Variants in ALK observed in about 807,000 individuals in gnomAD.
The protein encoded by ALK is ALK receptor tyrosine kinase, also known as ALK tyrosine kinase receptor.
A neutral mutation model predicts 163.1 loss-of-function variants in ALK; 74 were observed. That is an observed-to-expected ratio of 0.45 (90% CI 0.38 to 0.55). The LOEUF is 0.55. Among genes scored for constraint, ALK ranks in the 20% least tolerant of loss-of-function variants. The probability of loss-of-function intolerance (pLI) is 0.00; values close to 1 mark genes in which losing one functional copy is unlikely to be tolerated. For missense variants in ALK, 2,063 were observed against 2,105.3 expected (o/e 0.98, Z 0.39); for synonymous variants, 960 against 843.2 (o/e 1.14, Z -2.40).
At chr2:29,716,531 T>C (rs1573578902) in intron 2 of ALK, among the ~76,000 whole-genome samples, 1 of 152,108 alleles carries the variant, frequency 6.6e-6, no homozygotes, top group South Asian at 2.1e-4. Context: ...AGGAATCTTA[T>C]ACCATGTAAA....
At chr2:29,837,340 T>C (rs1335704267) in intron 1 of ALK, among the ~76,000 whole-genome samples, 1 of 152,122 alleles carries the variant, frequency 6.6e-6, no homozygotes, top group East Asian at 1.9e-4. Context: ...ATTTGTAGGA[T>C]ATGGCACCAG....
At chr2:29,224,556 G>A (rs193286681) in intron 19 of ALK, 79 of 230,090 alleles carry the variant, frequency 3.4e-4, no homozygotes, top group African/African-American at 1.5e-3. Flanking sequence ...TTGTGATTCA[G>A]TGGGTAGATT....
At chr2:29,487,734 C>G (rs1415323706) in intron 4 of ALK, among the ~76,000 whole-genome samples, 1 of 152,206 alleles carries the variant, frequency 6.6e-6, no homozygotes. Flanking sequence ...AGTCACCTTA[C>G]TAAGTATTAA....
chr2:29,412,591 C>T (rs1340131861), intron 4 of ALK, among the ~76,000 whole-genome samples: 2 of 152,158 alleles, frequency 1.3e-5, no homozygotes, highest in Non-Finnish European at 2.9e-5. Flanking sequence ...AATAATTTTT[C>T]CCCACAATCA....
chr2:29,210,496 G>A (rs141671393), intron 24 of ALK, among the ~76,000 whole-genome samples: 1,639 of 152,188 alleles, frequency 0.011, 14 homozygotes, highest in Non-Finnish European at 0.016. Flanking sequence ...GCAGTGGTGC[G>A]ATCTTGGCTC....
chr2:29,653,990 G>A (rs1264661079), intron 3 of ALK, among the ~76,000 whole-genome samples: 1 of 152,070 alleles, frequency 6.6e-6, no homozygotes, highest in Non-Finnish European at 1.5e-5. Context: ...ACCCAGGAAG[G>A]GAGGTTGCGG....
intron 8 of ALK, among the ~76,000 whole-genome samples, chr2:29,301,659 C>T (rs982455796): frequency 1.2e-4 from 19 of 152,206 alleles, no homozygotes; most frequent in African/African-American, 4.3e-4. Flanking sequence ...CTCAGCTGCT[C>T]CCTGGAACTT....
chr2:29,228,870 C>G lies in ALK; in HGVS notation c.2815+14G>C, dbSNP rs1288484506. 5.8e-6 allele frequency: 9 copies of G among 1,558,834 alleles called. No homozygotes were observed. The Admixed American group carries it at 1.5e-4, about 26-fold the overall frequency. On this transcript the variant is annotated intron_variant, in intron 16 of 28. Transcript: ENST00000389048. Reference sequence around the variant, plus strand: ...CAGGGAGGGAGTGACACCTTGAACACGAATCATCTTTACCTATATATCCTC... The same window carrying G: ...CAGGGAGGGAGTGACACCTTGAACAGGAATCATCTTTACCTATATATCCTC...
At chr2:29,803,713 G>A (rs929540380) in intron 1 of ALK, among the ~76,000 whole-genome samples, 1 of 152,184 alleles carries the variant, frequency 6.6e-6, no homozygotes, top group Non-Finnish European at 1.5e-5. Flanking sequence ...GTCTCGGCTT[G>A]TCTACATAGT....
chr2:29,193,180 G>C lies in ALK; in HGVS notation c.*44C>G, dbSNP rs766019535. On this transcript the variant is annotated 3_prime_UTR_variant, in exon 29 of 29. Transcript: ENST00000389048. ...GAGCCATTGCCTCTCTCTCCTCCAC[G>C]GTCTTAGGGATCCCAAGGAAGAGAA... 5 of 1,594,984 alleles carry C rather than the reference G, an allele frequency of 3.1e-6. No homozygotes were observed. In the South Asian group the frequency reaches 5.6e-5, roughly 18 times the overall value.
At chr2:29,819,128 TAAAG>T (rs758047663) in intron 1 of ALK, among the ~76,000 whole-genome samples, 1 of 152,190 alleles carries the variant, frequency 6.6e-6, no homozygotes, top group Non-Finnish European at 1.5e-5. Flanking sequence ...CTGTTATAAA[TAAAG>T]AATCTCAGCC....
intron 1 of ALK, among the ~76,000 whole-genome samples, chr2:29,721,513 A>C (rs1573583065): frequency 1.3e-5 from 2 of 152,164 alleles, no homozygotes; most frequent in Admixed American, 6.5e-5. Context: ...ACTTCCTCTC[A>C]AGTTCTCAAA....
intron 1 of ALK, among the ~76,000 whole-genome samples, chr2:29,913,452 A>G (rs914770018): frequency 7.9e-5 from 12 of 152,208 alleles, no homozygotes; most frequent in African/African-American, 2.9e-4. Context: ...TGGTCATCAC[A>G]AGGTTAAGAA....
chr2:29,500,327 T>A (rs1672139445), intron 4 of ALK, among the ~76,000 whole-genome samples: 1 of 152,066 alleles, frequency 6.6e-6, no homozygotes, highest in African/African-American at 2.4e-5. Context: ...GTGTGGCACG[T>A]CCCTGCTACC....
At chr2:29,584,422 T>C (rs773364557) in intron 3 of ALK, among the ~76,000 whole-genome samples, 4 of 152,236 alleles carry the variant, frequency 2.6e-5, no homozygotes, top group African/African-American at 9.6e-5. Context: ...CAGGCCTGTA[T>C]TGAACACTGT....
intron 1 of ALK, among the ~76,000 whole-genome samples, chr2:29,895,785 C>T (rs116109413): frequency 1.3e-3 from 191 of 152,298 alleles, no homozygotes; most frequent in Middle Eastern, 6.8e-3. Context: ...TTTATCTGCT[C>T]TCCTAGGTCA....
chr2:29,215,571 CAGCTAATAAGCGTGG>C (rs1412171089), intron 23 of ALK, among the ~76,000 whole-genome samples: 10 of 152,182 alleles, frequency 6.6e-5, no homozygotes, highest in African/African-American at 9.7e-5. Flanking sequence ...CCAGGTCACA[CAGCTAATAAGCGTGG>C]AGCCAAAGCT....
chr2:29,767,129 G>C (rs772437964), intron 1 of ALK, among the ~76,000 whole-genome samples: 1 of 152,218 alleles, frequency 6.6e-6, no homozygotes, highest in Non-Finnish European at 1.5e-5. Context: ...ACCAGGCACT[G>C]TGATCAGGAG....
chr2:29,528,650 T>G (rs1673027453), intron 4 of ALK, among the ~76,000 whole-genome samples: 1 of 152,150 alleles, frequency 6.6e-6, no homozygotes, highest in Admixed American at 6.5e-5. Context: ...GATGGTGAGA[T>G]GAATGTTTGA....
Sources: allele counts gnomAD v4.1 joint callset (sites outside exome capture counted in the v4.1 genomes callset), GRCh38; gene constraint gnomAD v4.1.1; transcripts MANE v1.5; gene names NCBI Gene and HGNC (gene_info 2026-07-23, HGNC 2026-07-21).